DSE: variants seen among roughly 807,000 people sequenced by gnomAD.
DSE encodes dermatan-sulfate epimerase.
A neutral mutation model predicts 84.4 loss-of-function variants in DSE; 36 were observed. The ratio of observed to expected loss-of-function variants is 0.43; its 90% confidence interval spans 0.33 to 0.56. The LOEUF (loss-of-function observed/expected upper bound fraction) is 0.56. Ranked by LOEUF, DSE falls within the 20% of genes least tolerant of loss-of-function variation. DSE has a pLI of 0.06. For synonymous variants in DSE, 410 were observed against 430.1 expected, an observed-to-expected ratio of 0.95 and a Z score of 0.58; for missense variants, 862 against 1,169.6, an observed-to-expected ratio of 0.74 and a Z score of 3.84.
chr6:116,261,856 T>C (rs536348394), intron 2 of DSE, among the ~76,000 whole-genome samples: 2 of 152,234 alleles, frequency 1.3e-5, no homozygotes, highest in Non-Finnish European at 2.9e-5. Context: ...GATATAATCA[T>C]ATGGTTTTTG....
rs145343507 is a variant in DSE, at chr6:116,420,404, C to T, written c.417-6170C>T. 3.4e-3 allele frequency among the ~76,000 whole-genome samples: 515 copies of T among 152,258 alleles called. 5 individuals carry two copies. The highest frequency in any genetic ancestry group is 0.012 in the African/African-American group (503 of 41,546). On this transcript the variant is annotated intron_variant, in intron 2 of 5. Transcript: ENST00000644252. The stretch of plus-strand genomic sequence containing the variant: ...ATAGGATAAGTGCCCTGATAAGAAG[C>T]GGTGCCAGAGAGCTTGTACTCTTGT...
At chr6:116,254,934 C>T (rs1772083617) in intron 1 of DSE, 1 of 152,330 alleles carries the variant, frequency 6.6e-6, no homozygotes, top group South Asian at 2.1e-4. Context: ...TGGTAATTCA[C>T]TGCAGCACAG....
intron 1 of DSE, among the ~76,000 whole-genome samples, chr6:116,394,882 T>C (rs1781141141): frequency 6.6e-6 from 1 of 152,222 alleles, no homozygotes; most frequent in Non-Finnish European, 1.5e-5. Context: ...TACTTATTAG[T>C]AGCATCAGCT....
upstream of DSE, among the ~76,000 whole-genome samples, chr6:116,370,671 G>A (rs1305865110): frequency 2.0e-5 from 3 of 152,192 alleles, no homozygotes; most frequent in African/African-American, 7.2e-5. Flanking sequence ...CTGGCGGGCG[G>A]GGGTGCGGGT....
intron 2 of DSE, among the ~76,000 whole-genome samples, chr6:116,327,427 G>T (rs910521081): frequency 2.0e-5 from 3 of 152,204 alleles, no homozygotes; most frequent in Admixed American, 6.5e-5. Flanking sequence ...GCTCCTACAT[G>T]TGACCTGGAT....
At chr6:116,258,889 A>G in exon 2 of DSE, 3 of 1,604,346 alleles carry the variant, frequency 1.9e-6, no homozygotes, top group Non-Finnish European at 2.6e-6. Flanking sequence ...GTGCATCATC[A>G]TGGAGTTAGT....
chr6:116,426,894 AAGCATT>A, intron 3 of DSE, 67 bp downstream of exon 3: 2 of 1,535,616 alleles, frequency 1.3e-6, no homozygotes, highest in South Asian at 2.5e-5. Context: ...GTTGTGAGCA[AAGCATT>A]TTTATAACCA....
chr6:116,313,956 T>G (rs1394767100), intron 2 of DSE, among the ~76,000 whole-genome samples: 1 of 152,198 alleles, frequency 6.6e-6, no homozygotes, highest in Non-Finnish European at 1.5e-5. Context: ...TATGTAAACT[T>G]AAACCACCTA....
At chr6:116,263,061 T>C (rs1239871536) in intron 2 of DSE, among the ~76,000 whole-genome samples, 3 of 152,206 alleles carry the variant, frequency 2.0e-5, no homozygotes, top group African/African-American at 4.8e-5. Context: ...GTATATGCCA[T>C]GTGGGAATGA....
chr6:116,283,478 C>A (rs1474012978), intron 2 of DSE, among the ~76,000 whole-genome samples: 1 of 152,184 alleles, frequency 6.6e-6, no homozygotes, highest in Non-Finnish European at 1.5e-5. Context: ...GTTGCAGCTT[C>A]TTTTGCATTT....
At chr6:116,365,840 C>T (rs1779138940), upstream of DSE, among the ~76,000 whole-genome samples, 1 of 152,132 alleles carries the variant, frequency 6.6e-6, no homozygotes. Context: ...TCCTGAAGAG[C>T]ACAGAAGGCT....
At chr6:116,273,929 A>C (rs2114619583) in intron 2 of DSE, among the ~76,000 whole-genome samples, 1 of 150,158 alleles carries the variant, frequency 6.7e-6, no homozygotes, top group African/African-American at 2.5e-5. Flanking sequence ...TCTTGGGTTC[A>C]AGCGATTCTC....
intron 2 of DSE, among the ~76,000 whole-genome samples, chr6:116,415,384 A>G (rs1490083970): frequency 4.6e-5 from 7 of 152,048 alleles, no homozygotes; most frequent in African/African-American, 1.7e-4. Flanking sequence ...TTATGTTACT[A>G]GTGTTTTGAA....
At position 116,268,116 on chromosome 6, in the gene DSE, C is replaced by T. The variant is rs74594327; in HGVS notation, c.-54+9149C>T. ...TCACTCACTGACTCACCCAGATCAA[C>T]TTCCAGTCCTACAGGCTCCATTAAT... On this transcript the variant is annotated intron_variant, in intron 2 of 3. Transcript: ENST00000430252. Among the ~76,000 whole-genome samples, 391 of 152,310 alleles carry T rather than the reference C, an allele frequency of 2.6e-3. 3 individuals carry two copies. Among genetic ancestry groups the T allele is most frequent in the African/African-American group, 9.2e-3 (383 of 41,572 alleles).
At chr6:116,279,793 A>T (rs1773391956) in intron 2 of DSE, 1 of 1,612,786 alleles carries the variant, frequency 6.2e-7, no homozygotes, top group Admixed American at 1.7e-5. Flanking sequence ...GTGGGTTTGG[A>T]GGGGAGTGGT....
chr6:116,280,060 C>G (rs189534593), intron 2 of DSE: 10 of 633,468 alleles, frequency 1.6e-5, no homozygotes, highest in African/African-American at 1.3e-4. Flanking sequence ...TGTGAATTTA[C>G]CCATAGCAAC....
chr6:116,310,644 G>A (rs1177604352), intron 2 of DSE, among the ~76,000 whole-genome samples: 1 of 150,670 alleles, frequency 6.6e-6, no homozygotes, highest in African/African-American at 2.4e-5. Flanking sequence ...TTTTGGCTCT[G>A]TCTTCAAAGT....
At chr6:116,258,958 G>C (rs773899172) in exon 2 of DSE, 1 of 1,499,654 alleles carries the variant, frequency 6.7e-7, no homozygotes, top group South Asian at 1.1e-5. Flanking sequence ...ATACCACCCT[G>C]CACTGTGAGG....
intron 2 of DSE, among the ~76,000 whole-genome samples, chr6:116,298,519 A>T (rs1774806045): frequency 6.6e-6 from 1 of 152,224 alleles, no homozygotes. Context: ...TCTAGAAGCT[A>T]GAAAGGTCAA....
Sources: gnomAD v4.1 joint callset for allele counts (sites outside exome capture counted in the v4.1 genomes callset) on GRCh38, gnomAD v4.1.1 for gene constraint, MANE v1.5 for transcripts, NCBI Gene and HGNC (gene_info 2026-07-23, HGNC 2026-07-21) for gene names.